The following CDH13 variants were observed in gnomAD, a reference collection of about 807,000 sequenced individuals.
CDH13 encodes cadherin-13.
A neutral mutation model predicts 63.8 loss-of-function variants in CDH13; 24 were observed. The ratio of observed to expected loss-of-function variants is 0.38; its 90% CI spans 0.27 to 0.53. The LOEUF (loss-of-function observed/expected upper bound fraction) is 0.53. Ranked by LOEUF, CDH13 falls within the 20% of genes least tolerant of loss-of-function variation. The pLI is 0.85. For missense variants in CDH13, 1,049 were observed against 903.1 expected (o/e 1.16, Z -2.07); for synonymous variants, 503 against 355.3 (o/e 1.42, Z -4.67).
chr16:83,191,466 T>TAGATATAG (rs1567492931), intron 4 of CDH13, among the ~76,000 whole-genome samples: 14 of 116,182 alleles, frequency 1.2e-4, no homozygotes, highest in Non-Finnish European at 1.7e-4. Context: ...GAAATATATA[T>TAGATATAG]ATATATATAT....
chr16:83,001,848 G>A (rs561071408), intron 2 of CDH13, among the ~76,000 whole-genome samples: 14 of 152,202 alleles, frequency 9.2e-5, no homozygotes, highest in African/African-American at 3.1e-4. Flanking sequence ...GCTATGGGAA[G>A]CCCTTCCAAA....
intron 5 of CDH13, among the ~76,000 whole-genome samples, chr16:83,254,345 G>A (rs1905953211): frequency 6.6e-6 from 1 of 152,196 alleles, no homozygotes; most frequent in Non-Finnish European, 1.5e-5. Context: ...CCTCTTGGAA[G>A]CCTCATGCAC....
chr16:82,717,356 A>G (rs1417419197), intron 1 of CDH13, among the ~76,000 whole-genome samples: 2 of 151,138 alleles, frequency 1.3e-5, no homozygotes, highest in East Asian at 3.9e-4. Context: ...GAATCGCTTG[A>G]AACCAGGAGG....
At chr16:82,868,549 G>A (rs937596033) in intron 2 of CDH13, among the ~76,000 whole-genome samples, 1 of 152,168 alleles carries the variant, frequency 6.6e-6, no homozygotes, top group African/African-American at 2.4e-5. Flanking sequence ...TAAAGAATGG[G>A]AAACACAAGA....
intron 2 of CDH13, among the ~76,000 whole-genome samples, chr16:82,969,478 C>CT (rs10652088): frequency 0.48 from 62,679 of 130,996 alleles, 15,018 homozygotes; most frequent in Admixed American, 0.52. Context: ...TCTGCATATT[C>CT]TTTTTTTTTT....
At chr16:83,529,632 G>C (rs537185230) in intron 7 of CDH13, among the ~76,000 whole-genome samples, 2 of 152,038 alleles carry the variant, frequency 1.3e-5, no homozygotes, top group Non-Finnish European at 2.9e-5. Context: ...TGTAAGGATA[G>C]TAAAAGACAT....
intron 4 of CDH13, among the ~76,000 whole-genome samples, chr16:83,136,847 G>C (rs73604224): frequency 0.049 from 7,420 of 152,258 alleles, 615 homozygotes; most frequent in African/African-American, 0.17. Flanking sequence ...CAGATGCTTT[G>C]GGTAGGGATG....
chr16:83,298,036 C>T (rs1466574551), intron 5 of CDH13, among the ~76,000 whole-genome samples: 1 of 135,356 alleles, frequency 7.4e-6, no homozygotes, highest in East Asian at 2.1e-4. Context: ...CATGGCAAAA[C>T]CTTGTTTCTA....
intron 6 of CDH13, among the ~76,000 whole-genome samples, chr16:83,354,413 T>C (rs994131959): frequency 6.6e-6 from 1 of 152,208 alleles, no homozygotes; most frequent in Non-Finnish European, 1.5e-5. Context: ...GCAGTTTCTA[T>C]GAGTCAGATA....
At chr16:83,191,291 C>T (rs12929994) in intron 4 of CDH13, among the ~76,000 whole-genome samples, 8,424 of 145,590 alleles carry the variant, frequency 0.058, 332 homozygotes, top group Non-Finnish European at 0.08. Context: ...TTGTCTAGGC[C>T]ACCTCTACTG....
chr16:83,724,140 G>A (rs771621879), intron 10 of CDH13, among the ~76,000 whole-genome samples: 1 of 151,544 alleles, frequency 6.6e-6, no homozygotes, highest in Non-Finnish European at 1.5e-5. Context: ...ATGGGTGGGT[G>A]ATGAATGCAT....
intron 1 of CDH13, among the ~76,000 whole-genome samples, chr16:82,719,987 G>A (rs2032660224): frequency 6.6e-6 from 1 of 151,904 alleles, no homozygotes; most frequent in East Asian, 1.9e-4. Context: ...GTATAAACAA[G>A]AGTTAAATTC....
At chr16:82,846,926 G>C (rs1214336615) in intron 1 of CDH13, among the ~76,000 whole-genome samples, 1 of 152,114 alleles carries the variant, frequency 6.6e-6, no homozygotes, top group Non-Finnish European at 1.5e-5. Flanking sequence ...TAAAAAATGA[G>C]AGACAATGCT....
chr16:83,234,715 C>T (rs566114266), intron 5 of CDH13, among the ~76,000 whole-genome samples: 4 of 152,200 alleles, frequency 2.6e-5, no homozygotes, highest in Non-Finnish European at 5.9e-5. Flanking sequence ...CTACCCCCAG[C>T]CCCTCTGGAG....
chr16:82,693,954 A>G (rs769793789), intron 1 of CDH13, among the ~76,000 whole-genome samples: 1 of 152,226 alleles, frequency 6.6e-6, no homozygotes, highest in Non-Finnish European at 1.5e-5. Context: ...GGCCTGGATT[A>G]AAATGATGTC....
At chr16:83,628,672 G>A (rs957728018) in intron 8 of CDH13, among the ~76,000 whole-genome samples, 1 of 152,168 alleles carries the variant, frequency 6.6e-6, no homozygotes, top group Non-Finnish European at 1.5e-5. Context: ...TATCTAGTCG[G>A]TATTTCAATA....
chr16:83,650,781 A>G (rs8053969), intron 8 of CDH13, among the ~76,000 whole-genome samples: 151,959 of 152,300 alleles, frequency 1, 75,809 homozygotes, highest in Middle Eastern at 1. Context: ...CAATTCGAAA[A>G]GAAAAAGCAG....
rs182739274 is a variant in CDH13 at position 83,091,490 on chromosome 16, A to G, written c.367-33895A>G. On this transcript the variant is annotated intron_variant, in intron 3 of 13. Coordinates refer to ENST00000567109, the MANE Select transcript of CDH13 (RefSeq NM_001257.5). ...TCTACAGAGAAACTGTATAATTCTG[A>G]CATTAATTTCAGTTCCTTACAACTG... Among the ~76,000 whole-genome samples, 17 of 152,336 alleles carry G rather than the reference A, an allele frequency of 1.1e-4. No homozygotes were observed. In the East Asian group the frequency reaches 2.7e-3, roughly 24 times the overall value.
rs142296335 is a variant in CDH13 at position 83,571,192 on chromosome 16, A to G, written c.961-31262A>G. Among the ~76,000 whole-genome samples, 1,020 of 152,104 alleles carry G rather than the reference A, an allele frequency of 6.7e-3. 11 individuals are homozygous for G. The highest frequency in any genetic ancestry group is 0.023 in the African/African-American group (964 of 41,506). ...ATTTCCCAGTGGAAATCTTCACCCA[A>G]TTTGCTCCATATGGATTTTCTACCT... On this transcript the variant is annotated intron_variant, in intron 7 of 13. Transcript: ENST00000567109.
Sources: gnomAD v4.1 joint callset for allele counts (sites outside exome capture counted in the v4.1 genomes callset) on GRCh38, gnomAD v4.1.1 for gene constraint, MANE v1.5 for transcripts, NCBI Gene and HGNC (gene_info 2026-07-23, HGNC 2026-07-21) for gene names.